The following TFDP1 variants were observed in gnomAD, a reference collection of about 807,000 sequenced individuals.
TFDP1 encodes DRTF1-polypeptide 1.
Under a neutral mutation model 48.0 loss-of-function variants are expected in TFDP1, and 6 were observed. The observed-to-expected ratio is 0.13, with a 90% CI of 0.07 to 0.25. The LOEUF is 0.25. Ranked by LOEUF, TFDP1 falls within the 10% of genes least tolerant of loss-of-function variation. TFDP1 has a pLI of 1.00. For missense variants in TFDP1, 335 were observed against 543.0 expected (o/e 0.62, Z 3.81); for synonymous variants, 201 against 211.6 (o/e 0.95, Z 0.44).
chr13:113,599,794 A>T (rs531298909), intron 2 of TFDP1, among the ~76,000 whole-genome samples: 17 of 147,180 alleles, frequency 1.2e-4, no homozygotes, highest in Admixed American at 6.1e-4. Flanking sequence ...CTCCAGGACT[A>T]CGAGAGAGAA....
Position 113,627,893 on chromosome 13 carries a change from C to A in TFDP1, c.187-3730C>A, listed in dbSNP as rs897455295. Reference sequence around the variant, plus strand: ...CCCTGATACCAAAAAGGTGGGGGATCGCTGCTTTAAACACCAAGGCTCACT... The same window carrying A: ...CCCTGATACCAAAAAGGTGGGGGATAGCTGCTTTAAACACCAAGGCTCACT... On this transcript the variant is annotated intron_variant, in intron 4 of 11. Coordinates refer to ENST00000375370, the MANE Select transcript of TFDP1 (RefSeq NM_007111.5). This position sits in a 1 kb window ranked among gnomAD's most constrained non-coding sequence, Gnocchi z 4.1. 6.6e-6 allele frequency among the ~76,000 whole-genome samples: 1 copy of A among 152,170 alleles called. No homozygotes were observed. The highest frequency in any genetic ancestry group is 1.5e-5 in the Non-Finnish European group (1 of 68,022).
chr13:113,630,222 C>T (rs890577053), intron 4 of TFDP1, among the ~76,000 whole-genome samples: 20 of 152,132 alleles, frequency 1.3e-4, no homozygotes, highest in African/African-American at 4.3e-4. Context: ...CATTTATCCA[C>T]GCCCAGGAGA....
chr13:113,596,447 G>T (rs75272592), intron 2 of TFDP1, among the ~76,000 whole-genome samples: 3,626 of 152,204 alleles, frequency 0.024, 140 homozygotes, highest in African/African-American at 0.082. Flanking sequence ...GTGTCATCCC[G>T]GTAGCCCGAG....
intron 2 of TFDP1, among the ~76,000 whole-genome samples, chr13:113,609,223 TG>T (rs1282530266): frequency 6.6e-6 from 1 of 152,186 alleles, no homozygotes; most frequent in East Asian, 1.9e-4. Flanking sequence ...TGTGGGCCCC[TG>T]GGGGTGGTGG....
intron 3 of TFDP1, among the ~76,000 whole-genome samples, chr13:113,619,487 A>AC (rs983326408): frequency 2.8e-4 from 42 of 149,060 alleles, no homozygotes; most frequent in Middle Eastern, 3.6e-3. Flanking sequence ...AAAACAAAAA[A>AC]AAAAAAAAAA....
chr13:113,633,081 G>A lies in TFDP1; in HGVS notation c.309-39G>A, dbSNP rs2049379839. ...CCTCGATTCAGGCTGATCCTCAGGAGGGCTGACAGTCGCTTCTCTTTTCCT... is the reference window on the plus strand; with the variant it reads ...CCTCGATTCAGGCTGATCCTCAGGAAGGCTGACAGTCGCTTCTCTTTTCCT... On this transcript the variant is annotated intron_variant, in intron 5 of 11. Transcript: ENST00000375370. The surrounding 1 kb of genome is among the most constrained non-coding windows in gnomAD (Gnocchi z 4.5). 1.9e-6 allele frequency: 3 copies of A among 1,612,406 alleles called. No individual in the cohort carries two copies. The highest frequency in any genetic ancestry group is 2.7e-5 in the African/African-American group (2 of 74,770).
rs954450140 is a variant in TFDP1 at position 113,638,678 on chromosome 13, A to G, written c.1085+782A>G. ...TATTAAAGGGCCTTTATTTAAATAAATTTGTATTTAATCTTTGACCTGCAA... is the reference window on the plus strand; with the variant it reads ...TATTAAAGGGCCTTTATTTAAATAAGTTTGTATTTAATCTTTGACCTGCAA... On this transcript the variant is annotated intron_variant, in intron 11 of 11. Transcript: ENST00000375370. Among the ~76,000 whole-genome samples, 10 of 152,218 alleles carry G rather than the reference A, an allele frequency of 6.6e-5. 1 individual carries two copies. In the South Asian group the frequency reaches 2.1e-3, roughly 31 times the overall value.
intron 10 of TFDP1, 109 bp downstream of exon 10, chr13:113,636,809 C>A: frequency 2.3e-6 from 3 of 1,301,352 alleles, no homozygotes; most frequent in Non-Finnish European, 2.1e-6. Context: ...ATCAGGCCCA[C>A]GTGTGTAGGG....
At position 113,633,435 on chromosome 13, in the gene TFDP1, G is replaced by T; in HGVS notation, c.474+150G>T. ...TTTTACCAAACGAGTCAGTAAGTGT[G>T]TGCCGGGGCCGAGAGGCTGGGGTGG... On this transcript the variant is annotated intron_variant, in intron 6 of 11. Coordinates refer to ENST00000375370, the MANE Select transcript of TFDP1 (RefSeq NM_007111.5). The surrounding 1 kb of genome is among the most constrained non-coding windows in gnomAD (Gnocchi z 4.5). 1.0e-6 allele frequency: 1 copy of T among 984,274 alleles called. No individual in the cohort carries two copies. Among genetic ancestry groups the T allele is most frequent in the Non-Finnish European group, 1.5e-6 (1 of 664,104 alleles). The allele number at this position is 984,274 out of a possible 1,614,324, so 61.0% of individuals were successfully genotyped here. A position where few individuals can be genotyped will look rare whatever the true frequency, so the allele number is the denominator to read the frequency against.
chr13:113,610,232 G>A (rs891751271), intron 2 of TFDP1, among the ~76,000 whole-genome samples: 4 of 149,930 alleles, frequency 2.7e-5, no homozygotes, highest in African/African-American at 9.9e-5. Flanking sequence ...TGTGGCTGTA[G>A]CATCACTCAT....
intron 3 of TFDP1, among the ~76,000 whole-genome samples, chr13:113,622,287 C>T (rs1480123898): frequency 2.6e-5 from 4 of 152,212 alleles, no homozygotes; most frequent in Admixed American, 1.3e-4. Flanking sequence ...GTCTTTACTT[C>T]TACACTCTCT....
rs368779951 is a variant in TFDP1, at chr13:113,625,674, C to T, written c.186+2388C>T. ...CAGGCGTCTCTCACGTGTCCTCAGG[C>T]GTCTCTCACGTGTCCTCAGGTGTCT... On this transcript the variant is annotated intron_variant, in intron 4 of 11. Transcript: ENST00000375370. 9.1e-3 allele frequency among the ~76,000 whole-genome samples: 388 copies of T among 42,496 alleles called. 2 individuals are homozygous for T. Among genetic ancestry groups the T allele is most frequent in the African/African-American group, 0.028 (221 of 7,954 alleles). The allele number at this position is 42,496 out of a possible 152,430, so 27.9% of individuals were successfully genotyped here.
At chr13:113,616,482 C>T (rs536557853) in intron 3 of TFDP1, among the ~76,000 whole-genome samples, 27 of 152,284 alleles carry the variant, frequency 1.8e-4, no homozygotes, top group African/African-American at 6.0e-4. Context: ...CCGTCTGCGG[C>T]GCCAGGCCGG....
In TFDP1 at chr13:113,623,293, CT is replaced by C. The variant is rs751444597; in HGVS notation, c.186+8del. On this transcript the variant is annotated splice_region_variant and intron_variant, in intron 4 of 11. Transcript: ENST00000375370. This position sits in a 1 kb window ranked among gnomAD's most constrained non-coding sequence, Gnocchi z 5.2. ...CAACATTGCCCAGCAAGTGGTAAGC[CT>C]CCCGCAGGAGCGGACAGCCGGGATC... 47 of 1,605,672 alleles carry C rather than the reference CT, an allele frequency of 2.9e-5. No individual in the cohort carries two copies. The South Asian group carries it at 4.7e-4, about 16-fold the overall frequency.
intron 4 of TFDP1, among the ~76,000 whole-genome samples, chr13:113,630,683 A>G (rs954003157): frequency 1.3e-5 from 2 of 152,242 alleles, no homozygotes; most frequent in South Asian, 4.1e-4. Context: ...GTTTAGATAG[A>G]GTCGTGCCAC....
intron 4 of TFDP1, among the ~76,000 whole-genome samples, chr13:113,624,172 C>T (rs1167667094): frequency 6.6e-6 from 1 of 152,154 alleles, no homozygotes; most frequent in Admixed American, 6.5e-5. Flanking sequence ...TGCAGCACCT[C>T]TTGCACCCCG....
chr13:113,599,421 A>G (rs1358744066), intron 2 of TFDP1, among the ~76,000 whole-genome samples: 1 of 152,190 alleles, frequency 6.6e-6, no homozygotes, highest in Admixed American at 6.5e-5. Context: ...TCAAATTTGG[A>G]AAGTTTGTTT....
chr13:113,631,903 C>G, intron 5 of TFDP1, 159 bp downstream of exon 5: 2 of 1,040,172 alleles, frequency 1.9e-6, no homozygotes, highest in East Asian at 5.5e-5. Context: ...GTGGCCTGCA[C>G]AGGTGTGCAG....
chr13:113,600,081 G>A (rs1187034351), intron 2 of TFDP1, among the ~76,000 whole-genome samples: 1 of 146,766 alleles, frequency 6.8e-6, no homozygotes, highest in Non-Finnish European at 1.5e-5. Context: ...CTTGCACGTA[G>A]GGCTCCAGGA....
Sources: allele counts gnomAD v4.1 joint callset (sites outside exome capture counted in the v4.1 genomes callset), GRCh38; gene constraint gnomAD v4.1.1; non-coding constraint Gnocchi (gnomAD v3.1); transcripts MANE v1.5; gene names NCBI Gene and HGNC (gene_info 2026-07-23, HGNC 2026-07-21).